The following PKHD1 variants were observed in gnomAD, a reference collection of about 807,000 sequenced individuals.
PKHD1 encodes PKHD1 ciliary IPT domain containing fibrocystin/polyductin.
A neutral mutation model predicts 412.0 loss-of-function variants in PKHD1; 291 were observed. The ratio of observed to expected loss-of-function variants is 0.71; its 90% CI spans 0.64 to 0.78. The LOEUF (loss-of-function observed/expected upper bound fraction) is 0.78, where lower values mean the gene tolerates loss of function less well. PKHD1 is among the 30% of genes least tolerant of loss of function. The pLI is 0.00. For missense variants in PKHD1, 4,825 were observed against 4,950.7 expected, an observed-to-expected ratio of 0.97 and a Z score of 0.76; for synonymous variants, 1,777 against 1,821.5, an observed-to-expected ratio of 0.98 and a Z score of 0.62.
At chr6:52,032,613 T>A (rs1371924999) in intron 29 of PKHD1, among the ~76,000 whole-genome samples, 1 of 152,352 alleles carries the variant, frequency 6.6e-6, no homozygotes, top group African/African-American at 2.4e-5. Flanking sequence ...ATGACCTGTG[T>A]TCAAATCTTA....
At chr6:51,989,491 C>T (rs1400796231) in intron 35 of PKHD1, among the ~76,000 whole-genome samples, 3 of 152,104 alleles carry the variant, frequency 2.0e-5, no homozygotes, top group South Asian at 2.1e-4. Context: ...TCTATGTGCA[C>T]GTGTATGTGT....
chr6:51,674,402 CT>C (rs1358531120), intron 60 of PKHD1, among the ~76,000 whole-genome samples: 1 of 152,158 alleles, frequency 6.6e-6, no homozygotes, highest in African/African-American at 2.4e-5. Flanking sequence ...GTGGTCCTTC[CT>C]TCCTCCTTTC....
intron 34 of PKHD1, among the ~76,000 whole-genome samples, chr6:52,010,690 G>A (rs923353952): frequency 6.6e-6 from 1 of 152,076 alleles, no homozygotes; most frequent in African/African-American, 2.4e-5. Context: ...CTTTCACTGA[G>A]GCCTTTCTCT....
intron 60 of PKHD1, among the ~76,000 whole-genome samples, chr6:51,741,387 GTTTTT>G (rs1784532308): frequency 6.6e-6 from 1 of 151,854 alleles, no homozygotes; most frequent in Non-Finnish European, 1.5e-5. Flanking sequence ...TGGTATCAAT[GTTTTT>G]CTCTTTTTTT....
At chr6:51,688,903 C>T (rs929593785) in intron 60 of PKHD1, among the ~76,000 whole-genome samples, 2 of 152,154 alleles carry the variant, frequency 1.3e-5, no homozygotes, top group Non-Finnish European at 2.9e-5. Context: ...AATTCACAGC[C>T]GAATTCTACC....
chr6:52,015,109 C>T (rs978572871), intron 34 of PKHD1, among the ~76,000 whole-genome samples: 2 of 152,130 alleles, frequency 1.3e-5, no homozygotes, highest in Admixed American at 6.5e-5. Flanking sequence ...AATTGATATA[C>T]TCTTTTGAGA....
intron 60 of PKHD1, chr6:51,722,087 T>C: frequency 6.2e-7 from 1 of 1,612,264 alleles, no homozygotes; most frequent in Non-Finnish European, 8.5e-7. Flanking sequence ...CCACCCTTCT[T>C]TTCTTCTCGG....
At chr6:51,665,734 A>T (rs1773648044) in intron 60 of PKHD1, among the ~76,000 whole-genome samples, 1 of 152,176 alleles carries the variant, frequency 6.6e-6, no homozygotes, top group African/African-American at 2.4e-5. Context: ...GTTTAGATGC[A>T]AGCTGAAGTG....
chr6:51,630,388 T>C (rs1767779796), intron 65 of PKHD1, among the ~76,000 whole-genome samples: 1 of 152,148 alleles, frequency 6.6e-6, no homozygotes, highest in Non-Finnish European at 1.5e-5. Context: ...AAGGAAGATA[T>C]TAAAGAGGTT....
intron 53 of PKHD1, among the ~76,000 whole-genome samples, chr6:51,778,402 T>A (rs545615751): frequency 4.8e-4 from 73 of 152,242 alleles, no homozygotes; most frequent in African/African-American, 1.7e-3. Context: ...ACAGTTGAGG[T>A]TCTGATGAGG....
rs182872717 is a variant in PKHD1, at chr6:51,976,822, C to T, written c.5752-16796G>A. Among the ~76,000 whole-genome samples, 12 of 151,880 alleles carry T rather than the reference C, an allele frequency of 7.9e-5. No homozygotes were observed. In the East Asian group the frequency reaches 1.2e-3, roughly 15 times the overall value. On this transcript the variant is annotated intron_variant, in intron 35 of 66. Transcript: ENST00000371117. ...AATTAGCTGAGTGTGGTGGCACATG[C>T]CTGTAGTCCCAGCTACTCGGGAGAC...
intron 43 of PKHD1, among the ~76,000 whole-genome samples, chr6:51,900,663 T>G (rs1217500436): frequency 3.3e-5 from 5 of 151,848 alleles, no homozygotes; most frequent in South Asian, 4.2e-4. Flanking sequence ...AAGCCAAAAT[T>G]GACAAATGGG....
intron 57 of PKHD1, among the ~76,000 whole-genome samples, chr6:51,750,079 G>A (rs550110847): frequency 6.6e-6 from 1 of 152,220 alleles, no homozygotes; most frequent in Non-Finnish European, 1.5e-5. Context: ...TTTCAGAAAT[G>A]AGAAACTAGA....
At chr6:51,962,485 G>C (rs1339970782) in intron 35 of PKHD1, among the ~76,000 whole-genome samples, 1 of 152,084 alleles carries the variant, frequency 6.6e-6, no homozygotes, top group Non-Finnish European at 1.5e-5. Context: ...CCTTCCATGT[G>C]CTATAACCTC....
rs183475484 is a variant in PKHD1 at position 51,932,346 on chromosome 6, A to G, written c.6121+1764T>C. Among the ~76,000 whole-genome samples, 32 of 152,372 alleles carry G rather than the reference A, an allele frequency of 2.1e-4. No individual in the cohort carries two copies. The East Asian group carries it at 5.4e-3, about 26-fold the overall frequency. On this transcript the variant is annotated intron_variant, in intron 37 of 66. Transcript: ENST00000371117. ...ATGAAAGAGGCAGAAGAAAATAATT[A>G]GGAGAGTTTTCATTTTTCCTCATTT...
chr6:51,864,707 T>C (rs578154937), intron 48 of PKHD1, among the ~76,000 whole-genome samples: 1 of 152,194 alleles, frequency 6.6e-6, no homozygotes, highest in African/African-American at 2.4e-5. Flanking sequence ...GTTAAATTAA[T>C]TTTAGTAATA....
At chr6:51,721,138 G>T in intron 60 of PKHD1, 1 of 965,240 alleles carries the variant, frequency 1.0e-6, no homozygotes, top group Non-Finnish European at 1.2e-6. Context: ...TTCCAATAAT[G>T]GAACACTGGG....
Position 51,911,915 on chromosome 6 carries a change from T to C in PKHD1, c.6374A>G (p.His2125Arg). 1 of 1,612,244 alleles carries C rather than the reference T, an allele frequency of 6.2e-7. No individual in the cohort carries two copies. Among genetic ancestry groups the C allele is most frequent in the Non-Finnish European group, 8.5e-7 (1 of 1,178,740 alleles). ...AGCCACAGTGGCCTTTAAAATATGGTGCTCTCCAGCCACCCAATTCTCTGT... is the reference window on the plus strand; with the variant it reads ...AGCCACAGTGGCCTTTAAAATATGGCGCTCTCCAGCCACCCAATTCTCTGT... ...NFTENWVAGE[H>R]HILKATVALL... is the part of the protein sequence containing the mutation. The change falls in exon 39 of 67, where the codon CAC becomes CGC. Residue 2125 changes from histidine (H) to arginine (R), a missense_variant. His to Arg is a conservative substitution (Grantham distance 29, BLOSUM62 0). Coordinates refer to ENST00000371117, the MANE Select transcript of PKHD1 (RefSeq NM_138694.4).
At chr6:51,923,206 A>G (rs951291375) in intron 37 of PKHD1, among the ~76,000 whole-genome samples, 3 of 151,834 alleles carry the variant, frequency 2.0e-5, no homozygotes, top group Non-Finnish European at 2.9e-5. Context: ...TATTCATTTG[A>G]AAAAAAATAG....
Sources: allele counts gnomAD v4.1 joint callset (sites outside exome capture counted in the v4.1 genomes callset), GRCh38; gene constraint gnomAD v4.1.1; transcripts MANE v1.5; gene names NCBI Gene and HGNC (gene_info 2026-07-23, HGNC 2026-07-21).